Variants in PPP2R3C observed in about 807,000 individuals in gnomAD.
PPP2R3C encodes protein phosphatase 2 regulatory subunit B''gamma.
A neutral mutation model predicts 63.7 loss-of-function variants in PPP2R3C; 47 were observed. The observed-to-expected ratio is 0.74, with a 90% confidence interval of 0.58 to 0.94. The LOEUF is 0.94. PPP2R3C is among the 40% of genes least tolerant of loss of function. The pLI is 0.00. For synonymous variants in PPP2R3C, 180 were observed against 177.4 expected, an observed-to-expected ratio of 1.01 and a Z score of -0.12; for missense variants, 421 against 518.4, an observed-to-expected ratio of 0.81 and a Z score of 1.82.
intron 12 of PPP2R3C, chr14:35,086,259 G>A (rs2045590920): frequency 6.5e-6 from 1 of 153,444 alleles, no homozygotes; most frequent in Non-Finnish European, 1.4e-5. Flanking sequence ...GTGCAGTAGT[G>A]CGATCTTGGC....
chr14:35,099,484 T>C (rs2046114479), intron 6 of PPP2R3C, 100 bp from the exon 7 acceptor site: 3 of 1,318,280 alleles, frequency 2.3e-6, no homozygotes, highest in African/African-American at 3.1e-5. Context: ...ACTATATTGA[T>C]AAAGAAATAA....
At chr14:35,121,023 C>A (rs2046867975) in intron 1 of PPP2R3C, among the ~76,000 whole-genome samples, 1 of 151,946 alleles carries the variant, frequency 6.6e-6, no homozygotes. Context: ...GAATGAACGT[C>A]CAGGAAAACA....
Position 35,099,233 on chromosome 14 carries a change from A to G in PPP2R3C, c.706+19T>C, listed in dbSNP as rs369676963. 4 of 1,539,258 alleles carry G rather than the reference A, an allele frequency of 2.6e-6. No homozygotes were observed. In the South Asian group the frequency reaches 3.8e-5, roughly 15 times the overall value. On this transcript the variant is annotated intron_variant, in intron 7 of 12. Coordinates refer to ENST00000261475, the MANE Select transcript of PPP2R3C (RefSeq NM_017917.4). ...ATAATATCCTCATAATATCTAAGTT[A>G]GATAAGATTTTCTTTTACCTGTTCT... is the stretch of plus-strand genomic sequence containing the variant.
intron 7 of PPP2R3C, among the ~76,000 whole-genome samples, chr14:35,097,223 CA>C (rs58639725): frequency 1.0e-4 from 15 of 143,326 alleles, no homozygotes; most frequent in Admixed American, 7.0e-5. Context: ...CCCCACCCTG[CA>C]AAAAAAAAAG....
intron 9 of PPP2R3C, among the ~76,000 whole-genome samples, chr14:35,095,450 T>C (rs2045960521): frequency 6.6e-6 from 1 of 152,178 alleles, no homozygotes; most frequent in South Asian, 2.1e-4. Flanking sequence ...GTTTTCAGTT[T>C]GCAGTCTTTT....
chr14:35,118,613 G>C (rs953403242), intron 1 of PPP2R3C, among the ~76,000 whole-genome samples: 4 of 151,778 alleles, frequency 2.6e-5, no homozygotes, highest in African/African-American at 9.7e-5. Flanking sequence ...AAGAGTTAAG[G>C]GGTCAAGAAA....
intron 6 of PPP2R3C, among the ~76,000 whole-genome samples, chr14:35,104,334 C>G (rs2046282276): frequency 6.6e-6 from 1 of 152,200 alleles, no homozygotes; most frequent in Non-Finnish European, 1.5e-5. Context: ...CTAACAGATT[C>G]TATCTACAGA....
intron 12 of PPP2R3C, 29 bp downstream of exon 12, chr14:35,087,922 G>A: frequency 1.3e-6 from 2 of 1,511,630 alleles, no homozygotes; most frequent in South Asian, 2.3e-5. Flanking sequence ...TAATTATCTG[G>A]TAATACGTAA....
intron 2 of PPP2R3C, among the ~76,000 whole-genome samples, chr14:35,115,359 A>G (rs1360462964): frequency 6.6e-6 from 1 of 151,184 alleles, no homozygotes; most frequent in Non-Finnish European, 1.5e-5. Flanking sequence ...GATCTCACCA[A>G]GTTGCCCAGA....
At chr14:35,106,464 C>CA in intron 6 of PPP2R3C, 1 of 153,150 alleles carries the variant, frequency 6.5e-6, no homozygotes. Context: ...ACCTCAGCCC[C>CA]TTGAATAGCT....
chr14:35,115,457 T>C (rs890188839), intron 2 of PPP2R3C, among the ~76,000 whole-genome samples: 7 of 151,720 alleles, frequency 4.6e-5, no homozygotes, highest in African/African-American at 1.7e-4. Flanking sequence ...TCACCACACC[T>C]GGCCAACATT....
chr14:35,119,335 G>A (rs1164540532), intron 1 of PPP2R3C, among the ~76,000 whole-genome samples: 1 of 135,112 alleles, frequency 7.4e-6, no homozygotes, highest in Non-Finnish European at 1.6e-5. Flanking sequence ...ACAGTGCCCA[G>A]CCCAAATGAA....
chr14:35,108,007 T>G, intron 5 of PPP2R3C, 132 bp downstream of exon 5: 1 of 1,320,404 alleles, frequency 7.6e-7, no homozygotes, highest in African/African-American at 1.5e-5. Flanking sequence ...TAACACATCT[T>G]GGTCAAAAGA....
chr14:35,096,400 T>A (rs1432236420), intron 9 of PPP2R3C, among the ~76,000 whole-genome samples, 158 bp downstream of exon 9: 1 of 152,174 alleles, frequency 6.6e-6, no homozygotes, highest in Non-Finnish European at 1.5e-5. Flanking sequence ...AACATCGGTA[T>A]TTAAACAAGT....
intron 1 of PPP2R3C, among the ~76,000 whole-genome samples, chr14:35,120,190 G>C (rs1468639959): frequency 6.6e-6 from 1 of 151,410 alleles, no homozygotes; most frequent in Non-Finnish European, 1.5e-5. Flanking sequence ...ACTAACTGTG[G>C]GGTTGTGGGG....
chr14:35,088,213 T>G (rs1340353427), intron 11 of PPP2R3C, among the ~76,000 whole-genome samples: 1 of 152,186 alleles, frequency 6.6e-6, no homozygotes, highest in South Asian at 2.1e-4. Context: ...TGTATTGACC[T>G]TTTTAGACCT....
intron 9 of PPP2R3C, among the ~76,000 whole-genome samples, chr14:35,095,678 A>AAC (rs2045969777): frequency 6.7e-6 from 1 of 149,172 alleles, no homozygotes; most frequent in Non-Finnish European, 1.5e-5. Flanking sequence ...CTCTACTAAA[A>AAC]AAAAAAACAA....
At chr14:35,119,631 C>T (rs1595135230) in intron 1 of PPP2R3C, among the ~76,000 whole-genome samples, 1 of 151,912 alleles carries the variant, frequency 6.6e-6, no homozygotes, top group African/African-American at 2.4e-5. Context: ...AATGAGCCAC[C>T]GAGCCTCCCA....
intron 9 of PPP2R3C, among the ~76,000 whole-genome samples, chr14:35,095,851 C>CAAAAAAAAA (rs59775301): frequency 7.3e-5 from 3 of 41,156 alleles, no homozygotes; most frequent in Middle Eastern, 0.015. Context: ...ACTCTATCTC[C>CAAAAAAAAA]AAAAAAAAAA....
Sources: allele counts gnomAD v4.1 joint callset (sites outside exome capture counted in the v4.1 genomes callset), GRCh38; gene constraint gnomAD v4.1.1; transcripts MANE v1.5; gene names NCBI Gene and HGNC (gene_info 2026-07-23, HGNC 2026-07-21).